The following RBFOX1 variants were observed in gnomAD, a reference collection of about 807,000 sequenced individuals.
RBFOX1 encodes the protein RNA binding fox-1 homolog 1, also known as RNA binding protein fox-1 homolog 1.
Under a neutral mutation model 57.7 loss-of-function variants are expected in RBFOX1, and 8 were observed. That is an observed-to-expected ratio of 0.14 (90% CI 0.08 to 0.25). The LOEUF is 0.25. RBFOX1 is among the 10% of genes least tolerant of loss of function. The pLI is 1.00. For missense variants in RBFOX1, 611 were observed against 548.5 expected, an observed-to-expected ratio of 1.11 and a Z score of -1.14; for synonymous variants, 326 against 222.4, an observed-to-expected ratio of 1.47 and a Z score of -4.15.
At position 6,988,737 on chromosome 16, in the gene RBFOX1, TTTTTTGTTTGTTTG is replaced by T. The variant is rs1377635933; in HGVS notation, c.-15-63314_-15-63301del. Among the ~76,000 whole-genome samples the T allele has an allele frequency of 2.9e-4, 20 of 68,250 alleles. 1 individual carries two copies. The highest frequency in any genetic ancestry group is 1.3e-3 in the South Asian group (3 of 2,232). The allele number at this position is 68,250 out of a possible 152,430, so 44.8% of individuals were successfully genotyped here. Reference sequence around the variant, plus strand: ...GTGACATCACACCCAGCTAATTTTTTTTTTTGTTTGTTTGTTTTTTGTTTTTTGTTTTTTGTTTT... The same window carrying T: ...GTGACATCACACCCAGCTAATTTTTTTTTTTTGTTTTTTGTTTTTTGTTTT... On this transcript the variant is annotated intron_variant, in intron 3 of 15. Transcript: ENST00000550418.
intron 4 of RBFOX1, among the ~76,000 whole-genome samples, chr16:6,002,479 C>T (rs1216389649): frequency 6.6e-6 from 1 of 152,072 alleles, no homozygotes; most frequent in Non-Finnish European, 1.5e-5. Context: ...ATTTTGGTGC[C>T]CTGTTGTTTA....
chr16:5,306,897 C>G (rs991238296), intron 1 of RBFOX1, among the ~76,000 whole-genome samples: 15 of 152,326 alleles, frequency 9.8e-5, no homozygotes, highest in African/African-American at 3.1e-4. Flanking sequence ...ATAATTTGGT[C>G]TAAGTCAAGG....
At chr16:5,309,244 T>G (rs1421477802) in intron 1 of RBFOX1, among the ~76,000 whole-genome samples, 2 of 152,332 alleles carry the variant, frequency 1.3e-5, no homozygotes, top group East Asian at 3.9e-4. Flanking sequence ...GAAGTCTTAG[T>G]GTTTAAAAGG....
At chr16:6,413,319 CAA>C (rs34475437) in intron 2 of RBFOX1, among the ~76,000 whole-genome samples, 62,563 of 113,806 alleles carry the variant, frequency 0.55, 15,003 homozygotes, top group African/African-American at 0.56. Flanking sequence ...AACTACATCT[CAA>C]AAAAAAAAAA....
intron 2 of RBFOX1, among the ~76,000 whole-genome samples, chr16:6,652,377 G>C (rs1241445964): frequency 6.6e-6 from 1 of 152,076 alleles, no homozygotes; most frequent in Non-Finnish European, 1.5e-5. Flanking sequence ...GAACCTGGGA[G>C]GTGGAGGTTG....
chr16:5,381,237 C>G (rs1050627059), intron 1 of RBFOX1, among the ~76,000 whole-genome samples: 1 of 152,156 alleles, frequency 6.6e-6, no homozygotes, highest in Non-Finnish European at 1.5e-5. Flanking sequence ...GACCCTATGC[C>G]CTTGGGTGAG....
intron 2 of RBFOX1, among the ~76,000 whole-genome samples, chr16:6,614,226 C>G (rs1373419176): frequency 6.6e-6 from 1 of 152,086 alleles, no homozygotes; most frequent in Non-Finnish European, 1.5e-5. Flanking sequence ...TTCATACTGC[C>G]TGCTGCAAGT....
At chr16:7,056,249 A>G (rs1192597014) in intron 4 of RBFOX1, among the ~76,000 whole-genome samples, 1 of 152,150 alleles carries the variant, frequency 6.6e-6, no homozygotes, top group African/African-American at 2.4e-5. Context: ...AACTATTGGG[A>G]TTACTTACAT....
intron 2 of RBFOX1, among the ~76,000 whole-genome samples, chr16:6,573,332 A>G (rs780807451): frequency 2.0e-5 from 3 of 152,150 alleles, no homozygotes; most frequent in Non-Finnish European, 2.9e-5. Context: ...AAACAGAGAA[A>G]GGCTTTCTCC....
rs372155081 is a variant in RBFOX1 at position 7,696,416 on chromosome 16, G to A, written c.996-12640G>A. ...AGTAAATGATTTTCCCTTCTTAGAC[G>A]GGAGGTCTCCGTCTGTGATTCATTA... On this transcript the variant is annotated intron_variant, in intron 14 of 15. Coordinates refer to ENST00000550418, the MANE Select transcript of RBFOX1 (RefSeq NM_018723.4). Among the ~76,000 whole-genome samples, 238 of 152,222 alleles carry A rather than the reference G, an allele frequency of 1.6e-3. 1 individual carries two copies. The highest frequency in any genetic ancestry group is 5.6e-3 in the African/African-American group (233 of 41,538).
chr16:6,413,319 CAAAAA>C (rs34475437), intron 2 of RBFOX1, among the ~76,000 whole-genome samples: 11 of 114,366 alleles, frequency 9.6e-5, no homozygotes, highest in African/African-American at 2.3e-4. Context: ...AACTACATCT[CAAAAA>C]AAAAAAAAAA....
chr16:7,185,997 T>C (rs748664079), intron 4 of RBFOX1, among the ~76,000 whole-genome samples: 2 of 152,144 alleles, frequency 1.3e-5, no homozygotes, highest in Non-Finnish European at 2.9e-5. Flanking sequence ...TGGCGCACTT[T>C]AGTATAGATC....
At chr16:7,436,492 C>G (rs1198168443) in intron 4 of RBFOX1, among the ~76,000 whole-genome samples, 1 of 152,166 alleles carries the variant, frequency 6.6e-6, no homozygotes, top group Non-Finnish European at 1.5e-5. Flanking sequence ...TCTTCACAAC[C>G]CAGTGCAACA....
chr16:6,885,871 G>A (rs933960217), intron 3 of RBFOX1, among the ~76,000 whole-genome samples: 1 of 152,096 alleles, frequency 6.6e-6, no homozygotes, highest in Non-Finnish European at 1.5e-5. Context: ...TCTAGAAATG[G>A]ATACTGTTTA....
chr16:7,214,439 C>G (rs1417285947), intron 4 of RBFOX1, among the ~76,000 whole-genome samples: 2 of 152,012 alleles, frequency 1.3e-5, no homozygotes, highest in African/African-American at 4.8e-5. Flanking sequence ...CCTTCCTATT[C>G]TAAATCACCG....
At position 5,466,626 on chromosome 16, in the gene RBFOX1, C is replaced by T. The variant is rs531079626; in HGVS notation, c.220-590C>T. ...TGGTTTCCCATATTGCTTAGAAAAA[C>T]ACCTGAACTCTTTATCTCAACCTGT... On this transcript the variant is annotated intron_variant, in intron 1 of 2. Transcript: ENST00000585867. Among the ~76,000 whole-genome samples the T allele has an allele frequency of 2.0e-5, 3 of 152,316 alleles. No homozygotes were observed. In the South Asian group the frequency reaches 6.2e-4, roughly 32 times the overall value.
chr16:7,645,802 C>T (rs977590966), intron 11 of RBFOX1, among the ~76,000 whole-genome samples: 16 of 152,162 alleles, frequency 1.1e-4, no homozygotes, highest in Admixed American at 7.9e-4. Context: ...GCATTTCATA[C>T]TGAAACAAGG....
intron 2 of RBFOX1, among the ~76,000 whole-genome samples, chr16:6,494,861 G>C (rs2095722100): frequency 6.6e-6 from 1 of 152,154 alleles, no homozygotes; most frequent in South Asian, 2.1e-4. Context: ...TAAATGCAGA[G>C]AATAGCCAGC....
rs536461451 is a variant in RBFOX1 at position 7,197,215 on chromosome 16, C to A, written c.27+145117C>A. On this transcript the variant is annotated intron_variant, in intron 4 of 15. Coordinates refer to ENST00000550418, the MANE Select transcript of RBFOX1 (RefSeq NM_018723.4). ...AGATGTGGCTCTTCCAAGCCTCCTT[C>A]ATAGCCGTTGTCTTTAGGGATGAAG... Among the ~76,000 whole-genome samples, 10 of 152,266 alleles carry A rather than the reference C, an allele frequency of 6.6e-5. No individual in the cohort carries two copies. The South Asian group carries it at 2.1e-3, about 32-fold the overall frequency.
Sources: gnomAD v4.1 joint callset for allele counts (sites outside exome capture counted in the v4.1 genomes callset) on GRCh38, gnomAD v4.1.1 for gene constraint, MANE v1.5 for transcripts, NCBI Gene and HGNC (gene_info 2026-07-23, HGNC 2026-07-21) for gene names.